The following LAPTM4A variants were observed in gnomAD, a reference collection of about 807,000 sequenced individuals.
LAPTM4A encodes lysosomal-associated transmembrane protein 4A.
Under a neutral mutation model 29.9 loss-of-function variants are expected in LAPTM4A, and 19 were observed. That is an observed-to-expected ratio of 0.64 (90% CI 0.44 to 0.93). The LOEUF (loss-of-function observed/expected upper bound fraction) is 0.93. LAPTM4A is among the 40% of genes least tolerant of loss of function. The probability of loss-of-function intolerance (pLI) is 0.00; values close to 1 mark genes in which losing one functional copy is unlikely to be tolerated. For synonymous variants in LAPTM4A, 105 were observed against 102.1 expected (o/e 1.03, Z -0.17); for missense variants, 293 against 288.5 (o/e 1.02, Z -0.11).
chr2:20,051,524 A>G lies in LAPTM4A; in HGVS notation c.-4T>C, dbSNP rs1674074517. ...GCTTGAAACTCATGGACACCATCGT[A>G]ACAGGCGGGCCTCCTTCTTGGCCGG... On this transcript the variant is annotated 5_prime_UTR_variant, in exon 1 of 7. Coordinates refer to ENST00000175091, the MANE Select transcript of LAPTM4A (RefSeq NM_014713.5). The G allele has an allele frequency of 2.5e-6, 4 of 1,579,642 alleles. No individual in the cohort carries two copies. In the South Asian group the frequency reaches 4.5e-5, roughly 18 times the overall value.
chr2:20,041,200 T>C (rs1158756053), intron 1 of LAPTM4A, among the ~76,000 whole-genome samples, 189 bp from the exon 2 acceptor site: 2 of 152,154 alleles, frequency 1.3e-5, no homozygotes, highest in Non-Finnish European at 2.9e-5. Flanking sequence ...AAAATAAATA[T>C]TTTATAAAGT....
At chr2:20,046,917 C>T (rs2148214914) in intron 1 of LAPTM4A, among the ~76,000 whole-genome samples, 1 of 149,888 alleles carries the variant, frequency 6.7e-6, no homozygotes, top group South Asian at 2.1e-4. Context: ...TGAGCCACTG[C>T]CCTTATAAAG....
intron 1 of LAPTM4A, among the ~76,000 whole-genome samples, chr2:20,048,019 A>G (rs909983588): frequency 6.6e-6 from 1 of 152,220 alleles, no homozygotes; most frequent in Non-Finnish European, 1.5e-5. Flanking sequence ...CTAGAAAGGA[A>G]TAGAGCTTAA....
chr2:20,034,860 C>G lies in LAPTM4A; in HGVS notation c.528+107G>C. ...CTCATGTGCCAGAATAAACACTGTC[C>G]CCACAAATCCTCAATCTCCTGTGAC... On this transcript the variant is annotated intron_variant, in intron 5 of 6. Coordinates refer to ENST00000175091, the MANE Select transcript of LAPTM4A (RefSeq NM_014713.5). 1.3e-5 allele frequency: 10 copies of G among 773,498 alleles called. No individual in the cohort carries two copies. The South Asian group carries it at 1.6e-4, about 12-fold the overall frequency. 47.9% of individuals were successfully genotyped at this position (773,498 alleles called of 1,614,324 possible). A position where few individuals can be genotyped will look rare whatever the true frequency, so the allele number is the denominator to read the frequency against.
intron 1 of LAPTM4A, among the ~76,000 whole-genome samples, chr2:20,047,667 G>A (rs1249086742): frequency 7.7e-6 from 1 of 130,038 alleles, no homozygotes; most frequent in East Asian, 2.6e-4. Flanking sequence ...TCCGCAGTCC[G>A]GCCTGGGCGA....
intron 2 of LAPTM4A, 152 bp downstream of exon 2, chr2:20,040,739 C>G (rs1673776093): frequency 4.3e-6 from 3 of 704,866 alleles, no homozygotes; most frequent in Non-Finnish European, 7.0e-6. Flanking sequence ...GTAGGCTACG[C>G]TATCTAGGTT....
In LAPTM4A at chr2:20,051,392, C is replaced by T. The variant is rs533220473; in HGVS notation, c.111+18G>A. 2.2e-4 allele frequency: 343 copies of T among 1,566,078 alleles called. 2 individuals are homozygous for T. In the East Asian group the frequency reaches 3.2e-3, roughly 15 times the overall value. On this transcript the variant is annotated intron_variant, in intron 1 of 6. Coordinates refer to ENST00000175091, the MANE Select transcript of LAPTM4A (RefSeq NM_014713.5). Reference sequence around the variant, plus strand: ...CCCCAGGCCCCCCGGACATACGCGCCACGCCTGCCCGCCTTACCATGTACC... The same window carrying T: ...CCCCAGGCCCCCCGGACATACGCGCTACGCCTGCCCGCCTTACCATGTACC...
At chr2:20,036,414 T>C (rs1353783503) in intron 4 of LAPTM4A, among the ~76,000 whole-genome samples, 1 of 152,184 alleles carries the variant, frequency 6.6e-6, no homozygotes, top group Non-Finnish European at 1.5e-5. Context: ...CCATGTGATA[T>C]CCACTCCCAC....
chr2:20,041,135 G>A, intron 1 of LAPTM4A, 124 bp from the exon 2 acceptor site: 1 of 801,008 alleles, frequency 1.2e-6, no homozygotes. Context: ...ATAAAATAGT[G>A]GGAGACTACC....
intron 1 of LAPTM4A, among the ~76,000 whole-genome samples, chr2:20,050,788 AG>A (rs1674041764): frequency 6.6e-6 from 1 of 152,206 alleles, no homozygotes; most frequent in Admixed American, 6.5e-5. Context: ...CTGCGCAGGG[AG>A]GAGGCTGCAC....
At chr2:20,033,703 C>T (rs995218028) in intron 6 of LAPTM4A, among the ~76,000 whole-genome samples, 2 of 152,196 alleles carry the variant, frequency 1.3e-5, no homozygotes, top group African/African-American at 4.8e-5. Context: ...AGTTTGTAGT[C>T]AGAAGATCAT....
In LAPTM4A at chr2:20,040,982, C is replaced by G; in HGVS notation, c.141G>C (p.Leu47=). ...MVVNLLMAIL[L]TVEVTHPNSM... ...AGTTTGGATGAGTCACTTCCACAGT[C>G]AGCAAAATTGCCATCAATAGGTTTA... Residue 47 remains leucine, a synonymous_variant, in exon 2 of 7, where the codon CTG becomes CTC. Coordinates refer to ENST00000175091, the MANE Select transcript of LAPTM4A (RefSeq NM_014713.5). 6.2e-7 allele frequency: 1 copy of G among 1,613,738 alleles called. No homozygotes were observed. The highest frequency in any genetic ancestry group is 1.7e-5 in the Admixed American group (1 of 60,008).
At chr2:20,038,267 C>T (rs1257102182) in intron 2 of LAPTM4A, among the ~76,000 whole-genome samples, 2 of 152,188 alleles carry the variant, frequency 1.3e-5, no homozygotes, top group Non-Finnish European at 2.9e-5. Context: ...CTTTCTTCTT[C>T]GTTTCTCAAC....
Position 20,037,376 on chromosome 2 carries a change from G to A in LAPTM4A, c.372C>T (p.Cys124=), listed in dbSNP as rs1673700104. 6.2e-7 allele frequency: 1 copy of A among 1,612,952 alleles called. No individual in the cohort carries two copies. Reference sequence around the variant, plus strand: ...AGGTGAGAGAACTAATAGCAACCAGGCAACTGAGGACGAAGTCAAAAAGTC... The same window carrying A: ...AGGTGAGAGAACTAATAGCAACCAGACAACTGAGGACGAAGTCAAAAAGTC... ...CYRLFDFVLS[C]LVAISSLTYL... is the part of the protein sequence containing the mutation. The change falls in exon 4 of 7, where the codon TGC becomes TGT. Residue 124 remains cysteine (C), a synonymous_variant. Coordinates refer to ENST00000175091, the MANE Select transcript of LAPTM4A (RefSeq NM_014713.5).
At chr2:20,048,650 T>A (rs1334707888) in intron 1 of LAPTM4A, among the ~76,000 whole-genome samples, 5 of 152,186 alleles carry the variant, frequency 3.3e-5, no homozygotes, top group Non-Finnish European at 7.3e-5. Flanking sequence ...ATCTCAGAAG[T>A]CTGTCCCACG....
chr2:20,046,170 A>G (rs1673914118), intron 1 of LAPTM4A, among the ~76,000 whole-genome samples: 1 of 152,118 alleles, frequency 6.6e-6, no homozygotes, highest in African/African-American at 2.4e-5. Context: ...AGGGTGGGGA[A>G]CATCACACAC....
At chr2:20,040,437 C>T (rs1673769606) in intron 2 of LAPTM4A, among the ~76,000 whole-genome samples, 2 of 152,132 alleles carry the variant, frequency 1.3e-5, no homozygotes, top group African/African-American at 4.8e-5. Flanking sequence ...TATTATGTAA[C>T]CATTTTAACT....
At chr2:20,048,651 C>T (rs1673990741) in intron 1 of LAPTM4A, among the ~76,000 whole-genome samples, 2 of 152,236 alleles carry the variant, frequency 1.3e-5, no homozygotes, top group Admixed American at 1.3e-4. Flanking sequence ...TCTCAGAAGT[C>T]TGTCCCACGT....
intron 1 of LAPTM4A, among the ~76,000 whole-genome samples, chr2:20,049,134 A>G (rs1674000381): frequency 6.6e-6 from 1 of 152,184 alleles, no homozygotes; most frequent in African/African-American, 2.4e-5. Context: ...TAAATATCTT[A>G]AGGGCAGATG....
Sources: allele counts gnomAD v4.1 joint callset (sites outside exome capture counted in the v4.1 genomes callset), GRCh38; gene constraint gnomAD v4.1.1; transcripts MANE v1.5; gene names NCBI Gene and HGNC (gene_info 2026-07-23, HGNC 2026-07-21).